The following PXDNL variants were observed in gnomAD, a reference collection of about 807,000 sequenced individuals.
PXDNL encodes the protein peroxidasin like.
In PXDNL, 145 loss-of-function variants were observed where a neutral mutation model predicts 150.8. That is an observed-to-expected ratio of 0.96 (90% CI 0.84 to 1.10). The LOEUF (loss-of-function observed/expected upper bound fraction) is 1.10. Among genes scored for constraint, PXDNL ranks in the 50% least tolerant of loss-of-function variants. PXDNL has a pLI of 0.00. For missense variants in PXDNL, 2,087 were observed against 1,873.9 expected, an observed-to-expected ratio of 1.11 and a Z score of -2.10; for synonymous variants, 757 against 725.7, an observed-to-expected ratio of 1.04 and a Z score of -0.69.
intron 17 of PXDNL, among the ~76,000 whole-genome samples, chr8:51,390,213 C>CT (rs1346215073): frequency 6.6e-6 from 1 of 152,188 alleles, no homozygotes; most frequent in Admixed American, 6.5e-5. Context: ...TCAATTCACT[C>CT]TTTAAAAACA....
chr8:51,440,395 C>T (rs2129876069), intron 12 of PXDNL, among the ~76,000 whole-genome samples: 1 of 152,034 alleles, frequency 6.6e-6, no homozygotes, highest in South Asian at 2.1e-4. Context: ...ATTCATGTAA[C>T]CAAACACCAC....
At chr8:51,503,766 A>C (rs1318579218) in intron 4 of PXDNL, among the ~76,000 whole-genome samples, 1 of 152,228 alleles carries the variant, frequency 6.6e-6, no homozygotes, top group Non-Finnish European at 1.5e-5. Context: ...ATTCATACTT[A>C]GCTTCCCCAG....
chr8:51,498,697 A>T (rs1219822875), intron 5 of PXDNL, among the ~76,000 whole-genome samples: 1 of 152,118 alleles, frequency 6.6e-6, no homozygotes, highest in East Asian at 1.9e-4. Flanking sequence ...AATACAAAAC[A>T]TTGCCAGGCC....
At chr8:51,786,434 C>A (rs1029541881) in intron 1 of PXDNL, among the ~76,000 whole-genome samples, 3 of 152,104 alleles carry the variant, frequency 2.0e-5, no homozygotes, top group Non-Finnish European at 4.4e-5. Flanking sequence ...GTCTTGAACT[C>A]CTGACCTCAA....
At chr8:51,576,958 T>C (rs1813068243) in intron 3 of PXDNL, among the ~76,000 whole-genome samples, 1 of 151,976 alleles carries the variant, frequency 6.6e-6, no homozygotes, top group African/African-American at 2.4e-5. Flanking sequence ...GTGAAAGAGA[T>C]AATGTGAATA....
intron 19 of PXDNL, among the ~76,000 whole-genome samples, chr8:51,361,059 C>T (rs761622463): frequency 6.6e-6 from 1 of 152,308 alleles, no homozygotes; most frequent in Middle Eastern, 3.4e-3. Context: ...AGTGAGATCC[C>T]TGCCAGGCCC....
intron 1 of PXDNL, among the ~76,000 whole-genome samples, chr8:51,734,921 T>C (rs28532830): frequency 0.041 from 6,287 of 152,260 alleles, 439 homozygotes; most frequent in African/African-American, 0.14. Context: ...TGGGGAGATG[T>C]TGATCAAAGG....
intron 1 of PXDNL, among the ~76,000 whole-genome samples, chr8:51,706,744 C>G (rs1352309445): frequency 6.6e-6 from 1 of 152,170 alleles, no homozygotes; most frequent in East Asian, 1.9e-4. Flanking sequence ...TTAGATTTGT[C>G]AAACATTTGA....
At chr8:51,608,566 G>C (rs1032543043) in intron 2 of PXDNL, among the ~76,000 whole-genome samples, 1 of 147,938 alleles carries the variant, frequency 6.8e-6, no homozygotes, top group Non-Finnish European at 1.5e-5. Context: ...GGCCGGGCGC[G>C]GTGGCTCACG....
intron 1 of PXDNL, among the ~76,000 whole-genome samples, chr8:51,739,334 C>CA (rs1263348749): frequency 6.6e-6 from 1 of 151,818 alleles, no homozygotes; most frequent in African/African-American, 2.4e-5. Flanking sequence ...AGATCAAGAA[C>CA]AAAAAAATGA....
intron 13 of PXDNL, among the ~76,000 whole-genome samples, chr8:51,425,948 G>A (rs760573237): frequency 3.3e-5 from 5 of 152,164 alleles, no homozygotes; most frequent in Non-Finnish European, 5.9e-5. Flanking sequence ...GTTAATATAT[G>A]GTAGCAATAA....
chr8:51,599,583 T>C (rs1444998063), intron 2 of PXDNL, among the ~76,000 whole-genome samples: 7 of 148,774 alleles, frequency 4.7e-5, no homozygotes, highest in Non-Finnish European at 1.0e-4. Flanking sequence ...TGAGTTGCTA[T>C]TCTTATATCA....
chr8:51,503,917 G>A (rs1811234558), intron 4 of PXDNL, among the ~76,000 whole-genome samples: 1 of 152,010 alleles, frequency 6.6e-6, no homozygotes, highest in South Asian at 2.1e-4. Context: ...ATGTCTCAAG[G>A]AACCTCAAAT....
chr8:51,375,289 A>C (rs1477360919), intron 17 of PXDNL, among the ~76,000 whole-genome samples: 1 of 152,234 alleles, frequency 6.6e-6, no homozygotes, highest in Non-Finnish European at 1.5e-5. Context: ...ACAACAAACA[A>C]ACAAAAAAGC....
intron 2 of PXDNL, among the ~76,000 whole-genome samples, chr8:51,626,391 T>A (rs1217413016): frequency 6.6e-6 from 1 of 152,206 alleles, no homozygotes; most frequent in African/African-American, 2.4e-5. Flanking sequence ...CCTCATTTGG[T>A]AATGAGGGTG....
chr8:51,660,741 G>A (rs933296413), intron 1 of PXDNL, among the ~76,000 whole-genome samples: 1 of 152,176 alleles, frequency 6.6e-6, no homozygotes, highest in African/African-American at 2.4e-5. Context: ...GAGCTACCAT[G>A]AAGGGCAGGA....
intron 3 of PXDNL, among the ~76,000 whole-genome samples, chr8:51,573,426 C>A (rs796591840): frequency 1.8e-4 from 28 of 152,086 alleles, no homozygotes; most frequent in Admixed American, 5.2e-4. Flanking sequence ...CAGAGGAGAA[C>A]AAGTGGATAG....
At chr8:51,654,546 C>T (rs1585651656) in intron 2 of PXDNL, 143 bp downstream of exon 2, 5 of 635,682 alleles carry the variant, frequency 7.9e-6, no homozygotes, top group Non-Finnish European at 1.4e-5. Flanking sequence ...AAAGAAGCAG[C>T]AGAATTTTCC....
intron 21 of PXDNL, 87 bp from the exon 22 acceptor site, chr8:51,320,984 T>G: frequency 1.0e-6 from 1 of 979,432 alleles, no homozygotes; most frequent in Non-Finnish European, 1.6e-6. Flanking sequence ...TGAAATGCTC[T>G]ATTCTGTAAG....
Sources: allele counts gnomAD v4.1 joint callset (sites outside exome capture counted in the v4.1 genomes callset), GRCh38; gene constraint gnomAD v4.1.1; transcripts MANE v1.5; gene names NCBI Gene and HGNC (gene_info 2026-07-23, HGNC 2026-07-21).